The following IQSEC3 variants were observed in gnomAD, a reference collection of about 807,000 sequenced individuals.
IQSEC3 encodes the protein IQ motif and SEC7 domain-containing protein 3.
Under a neutral mutation model 105.4 loss-of-function variants are expected in IQSEC3, and 50 were observed. The observed-to-expected ratio is 0.47, with a 90% CI of 0.38 to 0.60. IQSEC3 has a LOEUF of 0.60. IQSEC3 is among the 20% of genes least tolerant of loss of function. IQSEC3 has a pLI of 0.00. For missense variants in IQSEC3, 1,415 were observed against 1,630.0 expected (o/e 0.87, Z 2.27); for synonymous variants, 708 against 746.0 (o/e 0.95, Z 0.83).
chr12:106,966 T>A (rs1445117791), intron 2 of IQSEC3: 1 of 152,214 alleles, frequency 6.6e-6, no homozygotes, highest in Non-Finnish European at 1.5e-5. Context: ...TGATCAGATA[T>A]GGCATTCTTA....
chr12:115,687 A>C (rs575564935), intron 2 of IQSEC3, among the ~76,000 whole-genome samples: 1 of 152,332 alleles, frequency 6.6e-6, no homozygotes, highest in South Asian at 2.1e-4. Flanking sequence ...TTTACACACA[A>C]GCAAATGGGC....
At chr12:133,033 T>C (rs529856929) in intron 3 of IQSEC3, among the ~76,000 whole-genome samples, 17 of 152,228 alleles carry the variant, frequency 1.1e-4, no homozygotes, top group Non-Finnish European at 2.4e-4. Context: ...GATCTGGGGC[T>C]GGCCATTCCC....
chr12:129,124 C>T (rs559900099), intron 3 of IQSEC3, among the ~76,000 whole-genome samples: 2 of 152,364 alleles, frequency 1.3e-5, no homozygotes, highest in East Asian at 3.9e-4. Flanking sequence ...TTGCCTGTTG[C>T]CTCCTCTGTG....
intron 13 of IQSEC3, 38 bp from the exon 14 acceptor site, chr12:174,561 T>C: frequency 1.3e-6 from 2 of 1,497,262 alleles, no homozygotes; most frequent in South Asian, 2.6e-5. Context: ...GAATTAGTCT[T>C]GTAACATTTC....
intron 11 of IQSEC3, among the ~76,000 whole-genome samples, chr12:168,343 T>C (rs1938783494): frequency 6.6e-6 from 1 of 152,152 alleles, no homozygotes; most frequent in Admixed American, 6.5e-5. Context: ...ACTTTCCTCC[T>C]TGGGAGAGAT....
At chr12:73,704 C>T (rs1241318043) in intron 1 of IQSEC3, among the ~76,000 whole-genome samples, 2 of 151,344 alleles carry the variant, frequency 1.3e-5, no homozygotes, top group Non-Finnish European at 2.9e-5. Context: ...GAAAAAGAAA[C>T]CAGGGCCCAA....
chr12:163,502 C>A lies in IQSEC3; in HGVS notation c.2592C>A (p.Ser864=), dbSNP rs781785397. The A allele has an allele frequency of 1.2e-6, 2 of 1,608,226 alleles. No individual in the cohort carries two copies. The highest frequency in any genetic ancestry group is 1.7e-6 in the Non-Finnish European group (2 of 1,177,534). The change falls in exon 9 of 14, where the codon TCC becomes TCA. Residue 864 remains serine (S), a synonymous_variant. Transcript: ENST00000538872. ...GCCCTGCCCGCGTGCAGGTGCTGTC[C>A]GTGCCCCACCGCCGCCTGGTGTGCT... ...KSIVGMKTVL[S]VPHRRLVCCS...
At position 162,036 on chromosome 12, in the gene IQSEC3, G is replaced by A. The variant is rs1555096417; in HGVS notation, c.2554G>A (p.Val852Met). 3 of 1,613,800 alleles carry A rather than the reference G, an allele frequency of 1.9e-6. No individual in the cohort carries two copies. In the South Asian group the frequency reaches 3.3e-5, roughly 18 times the overall value. Residue 852 changes from valine to methionine, a missense_variant, in exon 8 of 14, where the codon GTG (valine) becomes ATG (methionine). By Grantham distance (21) the Val-to-Met change is conservative. Transcript: ENST00000538872. ...NEDHVTYVTKVEKSIVGMKTV... is the reference protein window; with the variant it reads ...NEDHVTYVTKMEKSIVGMKTV... The stretch of plus-strand genomic sequence containing the variant: ...GGACCACGTCACGTACGTCACCAAG[G>A]TGGAGAAGTCCATTGTGGGCATGAA...
chr12:120,108 G>A (rs760123572), intron 2 of IQSEC3, among the ~76,000 whole-genome samples: 47 of 152,348 alleles, frequency 3.1e-4, no homozygotes, highest in Middle Eastern at 3.4e-3. Flanking sequence ...ACATGGCACC[G>A]TCTGGTGGAG....
chr12:173,878 A>T (rs955657255), intron 13 of IQSEC3, among the ~76,000 whole-genome samples: 2 of 151,966 alleles, frequency 1.3e-5, no homozygotes. Context: ...CATCTGGGCC[A>T]CCTCCTCCTG....
chr12:161,901 A>T, intron 7 of IQSEC3, 25 bp from the exon 8 acceptor site: 1 of 1,473,652 alleles, frequency 6.8e-7, no homozygotes, highest in Non-Finnish European at 9.1e-7. Flanking sequence ...CCCCACCACC[A>T]CCCCTGCCCA....
At chr12:154,845 C>A (rs1866632607) in intron 5 of IQSEC3, among the ~76,000 whole-genome samples, 1 of 152,010 alleles carries the variant, frequency 6.6e-6, no homozygotes, top group Non-Finnish European at 1.5e-5. Context: ...TCTCTCCTGC[C>A]TTTTCCTCCT....
At chr12:128,456 T>C (rs782733815) in intron 3 of IQSEC3, among the ~76,000 whole-genome samples, 6 of 152,120 alleles carry the variant, frequency 3.9e-5, no homozygotes, top group Non-Finnish European at 7.3e-5. Context: ...ATCTAACACT[T>C]GATATTCCAA....
At chr12:87,658 GGTTTTAGGAT>G in intron 1 of IQSEC3, among the ~76,000 whole-genome samples, 1 of 152,230 alleles carries the variant, frequency 6.6e-6, no homozygotes, top group East Asian at 1.9e-4. Context: ...GAATAATCAT[GGTTTTAGGAT>G]GAGAGATTTG....
intron 3 of IQSEC3, among the ~76,000 whole-genome samples, chr12:132,572 A>G (rs1865636386): frequency 6.6e-6 from 1 of 152,140 alleles, no homozygotes; most frequent in African/African-American, 2.4e-5. Context: ...TTCTGGAAGG[A>G]TATCATGGAT....
At chr12:157,913 G>T (rs115918978) in intron 7 of IQSEC3, among the ~76,000 whole-genome samples, 6 of 152,250 alleles carry the variant, frequency 3.9e-5, no homozygotes, top group Non-Finnish European at 2.9e-5. Flanking sequence ...AACAGCAAGC[G>T]CCCTTGGGCA....
At chr12:91,602 C>T (rs782303517) in intron 1 of IQSEC3, among the ~76,000 whole-genome samples, 3 of 152,140 alleles carry the variant, frequency 2.0e-5, no homozygotes, top group African/African-American at 4.8e-5. Context: ...TGATGAAACT[C>T]TGTCTCTACA....
At chr12:75,447 T>C (rs1863479929) in intron 1 of IQSEC3, among the ~76,000 whole-genome samples, 2 of 152,316 alleles carry the variant, frequency 1.3e-5, no homozygotes, top group South Asian at 4.1e-4. Flanking sequence ...GTAGAAGGGA[T>C]ACTTTTCCAA....
At chr12:114,288 T>C (rs1322187085) in intron 2 of IQSEC3, among the ~76,000 whole-genome samples, 1 of 152,248 alleles carries the variant, frequency 6.6e-6, no homozygotes. Context: ...GCCTCTGCTA[T>C]GGCAAGCATG....
Sources: gnomAD v4.1 joint callset for allele counts (sites outside exome capture counted in the v4.1 genomes callset) on GRCh38, gnomAD v4.1.1 for gene constraint, MANE v1.5 for transcripts, NCBI Gene and HGNC (gene_info 2026-07-23, HGNC 2026-07-21) for gene names.